Variants in HEG1 observed in about 807,000 individuals in gnomAD.
HEG1 encodes protein HEG homolog 1.
Under a neutral mutation model 125.6 loss-of-function variants are expected in HEG1, and 56 were observed. The ratio of observed to expected loss-of-function variants is 0.45; its 90% confidence interval spans 0.36 to 0.56. The LOEUF is 0.56. Among genes scored for constraint, HEG1 ranks in the 20% least tolerant of loss-of-function variants. HEG1 has a pLI of 0.00. For missense variants in HEG1, 1,523 were observed against 1,670.0 expected (o/e 0.91, Z 1.53); for synonymous variants, 644 against 668.5 (o/e 0.96, Z 0.57).
In HEG1 at chr3:124,967,172, A is replaced by G. The variant is rs1936330472; in HGVS notation, c.*3480T>C. 1 of 152,214 alleles carries G rather than the reference A, an allele frequency of 6.6e-6. No homozygotes were observed. The highest frequency in any genetic ancestry group is 6.5e-5 in the Admixed American group (1 of 15,286). The allele number at this position is 152,214 out of a possible 1,614,324, so 9.4% of individuals were successfully genotyped here. The stretch of plus-strand genomic sequence containing the variant: ...GATGTGTCAGCGTTTAAGACATTCC[A>G]CTGAATATGTTCCCAATTCTGAAAA... On this transcript the variant is annotated 3_prime_UTR_variant, in exon 17 of 17. Transcript: ENST00000311127.
intron 12 of HEG1, among the ~76,000 whole-genome samples, chr3:124,995,657 A>T (rs1177111527): frequency 6.6e-6 from 1 of 152,230 alleles, no homozygotes. Flanking sequence ...TGGCCCAAGA[A>T]GCCCGGAATC....
Position 125,009,037 on chromosome 3 carries a change from C to T in HEG1, c.3193+668G>A, listed in dbSNP as rs78804478. Reference sequence around the variant, plus strand: ...AGCACCTTGTGAAGGCCTTGGTTTTCGTTTGGTTTGTTTGCTTGCTTTTTA... The same window carrying T: ...AGCACCTTGTGAAGGCCTTGGTTTTTGTTTGGTTTGTTTGCTTGCTTTTTA... On this transcript the variant is annotated intron_variant, in intron 8 of 16. Transcript: ENST00000311127. Among the ~76,000 whole-genome samples, 277 of 152,258 alleles carry T rather than the reference C, an allele frequency of 1.8e-3. 1 individual carries two copies. Among genetic ancestry groups the T allele is most frequent in the Non-Finnish European group, 2.9e-3 (197 of 68,026 alleles).
At chr3:125,015,794 A>AAC (rs1412115731) in intron 5 of HEG1, among the ~76,000 whole-genome samples, 16 of 152,280 alleles carry the variant, frequency 1.1e-4, no homozygotes, top group South Asian at 4.1e-4. Context: ...ACAAAAAGAA[A>AAC]AAAAAACCCA....
At chr3:124,977,758 A>G (rs1579394680) in intron 15 of HEG1, 101 bp downstream of exon 15, 13 of 689,590 alleles carry the variant, frequency 1.9e-5, no homozygotes, top group Non-Finnish European at 3.1e-5. Context: ...TTATGGTTTA[A>G]TATTGTGAAC....
At chr3:125,045,897 A>C (rs916746516) in intron 1 of HEG1, among the ~76,000 whole-genome samples, 1 of 152,224 alleles carries the variant, frequency 6.6e-6, no homozygotes, top group Admixed American at 6.5e-5. Flanking sequence ...AAGTTAAATG[A>C]CTTGCCCAAG....
chr3:124,996,339 C>T (rs528560750), intron 12 of HEG1, among the ~76,000 whole-genome samples: 1 of 152,264 alleles, frequency 6.6e-6, no homozygotes, highest in South Asian at 2.1e-4. Context: ...CCGCCTCGGC[C>T]TCCCAAAGTG....
In HEG1 at chr3:124,965,835, G is replaced by T. The variant is rs1055125890; in HGVS notation, c.*4817C>A. 6.6e-6 allele frequency: 1 copy of T among 152,196 alleles called. No individual in the cohort carries two copies. The highest frequency in any genetic ancestry group is 2.4e-5 in the African/African-American group (1 of 41,452). 9.4% of individuals were successfully genotyped at this position (152,196 alleles called of 1,614,324 possible). A position where few individuals can be genotyped will look rare whatever the true frequency, so the allele number is the denominator to read the frequency against. The stretch of plus-strand genomic sequence containing the variant: ...TTGCTGCTACAGTACTGAATAATTA[G>T]TGGAGGTTGCAATTATAATACAACT... On this transcript the variant is annotated 3_prime_UTR_variant, in exon 17 of 17. Transcript: ENST00000311127.
At chr3:124,986,212 T>C (rs1936736004) in intron 14 of HEG1, among the ~76,000 whole-genome samples, 1 of 152,194 alleles carries the variant, frequency 6.6e-6, no homozygotes, top group South Asian at 2.1e-4. Flanking sequence ...TGTGCTTGGC[T>C]GGAAAAAGCC....
chr3:125,020,643 T>C, intron 4 of HEG1, 149 bp downstream of exon 4: 1 of 638,808 alleles, frequency 1.6e-6, no homozygotes, highest in South Asian at 2.0e-5. Context: ...CTTCACAATG[T>C]TCTCATAAGA....
At chr3:124,995,822 G>A (rs999925993) in intron 12 of HEG1, among the ~76,000 whole-genome samples, 5 of 152,174 alleles carry the variant, frequency 3.3e-5, no homozygotes, top group Admixed American at 6.5e-5. Flanking sequence ...CAGCACACTC[G>A]GTAAATCTTT....
chr3:125,028,286 C>T (rs962509877), intron 2 of HEG1, among the ~76,000 whole-genome samples: 15 of 152,246 alleles, frequency 9.9e-5, no homozygotes, highest in African/African-American at 3.6e-4. Flanking sequence ...GAAACCTTCA[C>T]TGACTCTTGT....
intron 3 of HEG1, among the ~76,000 whole-genome samples, chr3:125,023,662 A>G (rs1337301624): frequency 9.0e-6 from 1 of 111,242 alleles, no homozygotes; most frequent in East Asian, 2.5e-4. Context: ...TGTTAAATAA[A>G]TCTGGGGGAA....
chr3:125,005,681 G>A (rs763486700), intron 8 of HEG1, among the ~76,000 whole-genome samples: 12 of 152,126 alleles, frequency 7.9e-5, no homozygotes, highest in Non-Finnish European at 1.5e-5. Flanking sequence ...ATGGCCTCCC[G>A]CACAATAGAT....
chr3:125,007,588 G>A (rs900889507), intron 8 of HEG1, among the ~76,000 whole-genome samples: 2 of 152,142 alleles, frequency 1.3e-5, no homozygotes, highest in African/African-American at 4.8e-5. Flanking sequence ...CTCCCATCTG[G>A]ACAGCTCTTT....
At chr3:125,041,884 G>T (rs556228027) in intron 1 of HEG1, among the ~76,000 whole-genome samples, 2 of 152,286 alleles carry the variant, frequency 1.3e-5, no homozygotes, top group East Asian at 3.9e-4. Flanking sequence ...CTTTCATGAG[G>T]TATCAAGAAT....
chr3:125,009,286 G>A (rs1430122000), intron 8 of HEG1, among the ~76,000 whole-genome samples: 3 of 136,324 alleles, frequency 2.2e-5, no homozygotes, highest in Non-Finnish European at 4.9e-5. Context: ...CATCTAAATT[G>A]TTTTTTTTTT....
Position 125,027,362 on chromosome 3 carries a change from C to T in HEG1, c.756G>A (p.Glu252=). ...LSEEWTVHSQ[E]ATTSAWSPSF... Reference sequence around the variant, plus strand: ...ACGGGCTCCAAGCCGAAGTGGTGGCCTCTTGGCTGTGCACAGTCCATTCTT... The same window carrying T: ...ACGGGCTCCAAGCCGAAGTGGTGGCTTCTTGGCTGTGCACAGTCCATTCTT... Residue 252 remains glutamate (E), a synonymous_variant, in exon 3 of 17, where the codon GAG becomes GAA. Transcript: ENST00000311127. The T allele has an allele frequency of 1.2e-6, 2 of 1,614,026 alleles. No individual in the cohort carries two copies. The highest frequency in any genetic ancestry group is 1.7e-5 in the Admixed American group (1 of 60,020).
chr3:125,006,140 C>T (rs973416117), intron 8 of HEG1, among the ~76,000 whole-genome samples: 1 of 152,116 alleles, frequency 6.6e-6, no homozygotes, highest in African/African-American at 2.4e-5. Context: ...AAGAAAGGTG[C>T]CAAGCATGTG....
chr3:124,978,892 C>T (rs1703604048), intron 14 of HEG1, among the ~76,000 whole-genome samples: 1 of 151,392 alleles, frequency 6.6e-6, no homozygotes, highest in African/African-American at 2.4e-5. Flanking sequence ...ACTTCCCACC[C>T]TTTGGTGTTG....
Sources: allele counts gnomAD v4.1 joint callset (sites outside exome capture counted in the v4.1 genomes callset), GRCh38; gene constraint gnomAD v4.1.1; transcripts MANE v1.5; gene names NCBI Gene and HGNC (gene_info 2026-07-23, HGNC 2026-07-21).